MTOR: variants seen among roughly 807,000 people sequenced by gnomAD.
MTOR encodes the protein mechanistic target of rapamycin kinase, also known as serine/threonine-protein kinase mTOR.
In MTOR, 70 loss-of-function variants were observed where a neutral mutation model predicts 319.8. That is an observed-to-expected ratio of 0.22 (90% CI 0.18 to 0.27). The LOEUF (loss-of-function observed/expected upper bound fraction) is 0.27. Among genes scored for constraint, MTOR ranks in the 10% least tolerant of loss-of-function variants. The pLI is 1.00. For synonymous variants in MTOR, 1,183 were observed against 1,211.4 expected, an observed-to-expected ratio of 0.98 and a Z score of 0.49; for missense variants, 1,890 against 3,274.4, an observed-to-expected ratio of 0.58 and a Z score of 10.32.
intron 29 of MTOR, among the ~76,000 whole-genome samples, chr1:11,165,267 G>T (rs1434798133): frequency 6.7e-6 from 1 of 148,624 alleles, no homozygotes; most frequent in Admixed American, 6.8e-5. Context: ...GCAGGAGAAA[G>T]AAATAAAAGG....
At chr1:11,223,486 A>T (rs1034783253) in intron 19 of MTOR, among the ~76,000 whole-genome samples, 1 of 152,156 alleles carries the variant, frequency 6.6e-6, no homozygotes, top group Non-Finnish European at 1.5e-5. Context: ...AAGGCGATGG[A>T]GGTAAGAGAT....
intron 30 of MTOR, 21 bp downstream of exon 30, chr1:11,157,131 C>A (rs1644344063): frequency 1.3e-6 from 2 of 1,576,560 alleles, no homozygotes; most frequent in Non-Finnish European, 1.7e-6. Context: ...GCCACACATG[C>A]CATCATTCTA....
Position 11,240,321 on chromosome 1 carries a change from C to G in MTOR, c.1768G>C (p.Gly590Arg). The change falls in exon 11 of 58, where the codon GGC becomes CGC. Residue 590 changes from glycine (G) to arginine (R), a missense_variant. Gly to Arg is a moderately radical substitution (Grantham distance 125). Transcript: ENST00000361445. ...TTCTTACCTTCAAATTCAAAGCTGC[C>G]AAGCGTTCGGAGGGCAAGAGTGATG... ...GSITLALRTLGSFEFEGHSLT... is the reference protein window; with the variant it reads ...GSITLALRTLRSFEFEGHSLT... The G allele has an allele frequency of 6.4e-7, 1 of 1,568,108 alleles. No individual in the cohort carries two copies. The highest frequency in any genetic ancestry group is 8.6e-7 in the Non-Finnish European group (1 of 1,157,004).
chr1:11,236,890 C>T (rs894008766), intron 13 of MTOR, among the ~76,000 whole-genome samples: 5 of 152,008 alleles, frequency 3.3e-5, no homozygotes, highest in Non-Finnish European at 5.9e-5. Flanking sequence ...TAACGCAGGC[C>T]GGCAGTTAAA....
chr1:11,256,682 C>T (rs1191298676), intron 4 of MTOR, among the ~76,000 whole-genome samples: 4 of 152,072 alleles, frequency 2.6e-5, no homozygotes, highest in South Asian at 2.1e-4. Flanking sequence ...TTCCTGGTAC[C>T]GTGCCCCCTC....
In MTOR at chr1:11,212,900, A is replaced by G; in HGVS notation, c.3294T>C (p.Ala1098=). 6.2e-7 allele frequency: 1 copy of G among 1,613,952 alleles called. No individual in the cohort carries two copies. The highest frequency in any genetic ancestry group is 8.5e-7 in the Non-Finnish European group (1 of 1,179,840). The change falls in exon 22 of 58, where the codon GCT becomes GCC. Residue 1098 remains alanine, a synonymous_variant. Coordinates refer to ENST00000361445, the MANE Select transcript of MTOR (RefSeq NM_004958.4). This position sits in a 1 kb window ranked among gnomAD's most constrained non-coding sequence, Gnocchi z 4.1. ...PGRIVSIKLL[A]AIQLFGANLD... ...GGTTGGCGCCAAACAGCTGGATTGC[A>G]GCCAGTAACTGCAAAAGGGAGCAAA...
chr1:11,174,729 A>G (rs1212119183), intron 28 of MTOR, among the ~76,000 whole-genome samples: 1 of 152,186 alleles, frequency 6.6e-6, no homozygotes, highest in Non-Finnish European at 1.5e-5. Context: ...AAGCCCCCTT[A>G]GCGAGGAACT....
chr1:11,219,635 C>G (rs972666997), intron 19 of MTOR, among the ~76,000 whole-genome samples: 1 of 152,094 alleles, frequency 6.6e-6, no homozygotes, highest in African/African-American at 2.4e-5. Context: ...AGCATGACTT[C>G]TCAGAAACAA....
At chr1:11,191,689 G>A (rs1428473944) in intron 28 of MTOR, among the ~76,000 whole-genome samples, 4 of 152,188 alleles carry the variant, frequency 2.6e-5, no homozygotes, top group Admixed American at 1.3e-4. Context: ...AAACTTCTGG[G>A]AGGAAGGCCT....
intron 54 of MTOR, among the ~76,000 whole-genome samples, chr1:11,112,583 A>G (rs1223453898): frequency 6.6e-6 from 1 of 152,246 alleles, no homozygotes. Context: ...CATGTTCAGT[A>G]GCCATTACCA....
rs750098290 is a variant in MTOR, at chr1:11,155,697, G to C, written c.4469+1455C>G. On this transcript the variant is annotated intron_variant, in intron 30 of 57. Transcript: ENST00000361445. ...TCCCGGTATCTTCCAAGGCTGATTA[G>C]GGTGCTTCCTATTACCCACAGCCCC... Among the ~76,000 whole-genome samples, 151 of 152,324 alleles carry C rather than the reference G, an allele frequency of 9.9e-4. 1 individual carries two copies. The highest frequency in any genetic ancestry group is 1.9e-3 in the Non-Finnish European group (126 of 68,034).
rs1463838139 is a variant in MTOR at position 11,107,321 on chromosome 1, A to C, written c.*164T>G. 4 of 1,502,456 alleles carry C rather than the reference A, an allele frequency of 2.7e-6. No individual in the cohort carries two copies. Among genetic ancestry groups the C allele is most frequent in the Non-Finnish European group, 3.5e-6 (4 of 1,129,118 alleles). 93.1% of individuals were successfully genotyped at this position (1,502,456 alleles called of 1,614,324 possible). On this transcript the variant is annotated 3_prime_UTR_variant, in exon 58 of 58. Coordinates refer to ENST00000361445, the MANE Select transcript of MTOR (RefSeq NM_004958.4). Reference sequence around the variant, plus strand: ...CAATATATTCTTCAACAGCAGCTAGAAAGTTGGTTCAAACCAACTTTTAAT... The same window carrying C: ...CAATATATTCTTCAACAGCAGCTAGCAAGTTGGTTCAAACCAACTTTTAAT...
At chr1:11,122,611 G>A (rs1468810698) in intron 47 of MTOR, among the ~76,000 whole-genome samples, 7 of 150,448 alleles carry the variant, frequency 4.7e-5, no homozygotes, top group East Asian at 1.9e-4. Flanking sequence ...GGGTTCACGC[G>A]ATTCTCCTGC....
chr1:11,194,660 G>A (rs746069379), intron 28 of MTOR: 3 of 1,614,174 alleles, frequency 1.9e-6, no homozygotes, highest in Admixed American at 1.7e-5. Context: ...CTCCGCAAAG[G>A]TGAGATTTGG....
At position 11,121,961 on chromosome 1, in the gene MTOR, C is replaced by T. The variant is rs760885775; in HGVS notation, c.6810+18G>A. On this transcript the variant is annotated intron_variant, in intron 48 of 57. Coordinates refer to ENST00000361445, the MANE Select transcript of MTOR (RefSeq NM_004958.4). The surrounding 1 kb of genome is among the most constrained non-coding windows in gnomAD (Gnocchi z 4.9). ...CTGCCACGGAAGGGGCACTAGCTCT[C>T]GTGGCCGCATCACATACCCGCAACA... 7.4e-6 allele frequency: 12 copies of T among 1,613,088 alleles called. No homozygotes were observed. The highest frequency in any genetic ancestry group is 6.7e-5 in the Admixed American group (4 of 59,918).
rs1228569453 is a variant in MTOR at position 11,109,684 on chromosome 1, G to A, written c.7412C>T (p.Thr2471Met). The change falls in exon 55 of 58, where the codon ACG becomes ATG. Residue 2471 changes from threonine to methionine, a missense_variant. Thr to Met is a moderately conservative substitution (Grantham distance 81). This residue lies in a region of MTOR where 49 missense variants were observed against 67.6 expected (regional missense o/e 0.72). Transcript: ENST00000361445. This position sits in a 1 kb window ranked among gnomAD's most constrained non-coding sequence, Gnocchi z 4.0. ...VELGEPAHKKTGTTVPESIHS... is the reference protein window; with the variant it reads ...VELGEPAHKKMGTTVPESIHS... Reference sequence around the variant, plus strand: ...AATAGATTCTGGCACTGTGGTCCCCGTTTTCTTATGGGCTGGCTCTCCAAG... The same window carrying A: ...AATAGATTCTGGCACTGTGGTCCCCATTTTCTTATGGGCTGGCTCTCCAAG... 4.3e-6 allele frequency: 7 copies of A among 1,613,876 alleles called. No individual in the cohort carries two copies. Among genetic ancestry groups the A allele is most frequent in the South Asian group, 1.1e-5 (1 of 91,070 alleles).
intron 25 of MTOR, among the ~76,000 whole-genome samples, chr1:11,205,510 T>C (rs1202283521): frequency 6.6e-6 from 1 of 152,242 alleles, no homozygotes; most frequent in African/African-American, 2.4e-5. Context: ...AATGAATTTA[T>C]AACAGTGCTT....
rs2100505551 is a variant in MTOR, at chr1:11,144,645, C to T, written c.4872+3G>A. 6.2e-7 allele frequency: 1 copy of T among 1,613,932 alleles called. No homozygotes were observed. Among genetic ancestry groups the T allele is most frequent in the African/African-American group, 1.3e-5 (1 of 75,010 alleles). On this transcript the variant is annotated splice_donor_region_variant and intron_variant, in intron 34 of 57. Transcript: ENST00000361445. ...GTGAACTGGGGCTTTCTACCAAGCT[C>T]ACCTGCAGTCTCTCCCACCAGATCT...
chr1:11,257,901 G>A (rs1000233522), intron 3 of MTOR, among the ~76,000 whole-genome samples: 2 of 152,120 alleles, frequency 1.3e-5, no homozygotes, highest in African/African-American at 4.8e-5. Context: ...CTTGAGGTCA[G>A]GAGTTCGAGA....
Sources: allele counts gnomAD v4.1 joint callset (sites outside exome capture counted in the v4.1 genomes callset), GRCh38; gene constraint gnomAD v4.1.1; regional missense constraint gnomAD v4.1.1; non-coding constraint Gnocchi (gnomAD v3.1); transcripts MANE v1.5; gene names NCBI Gene and HGNC (gene_info 2026-07-23, HGNC 2026-07-21).